Variants in KCNC2 observed in about 807,000 individuals in gnomAD.
KCNC2 encodes the protein potassium voltage-gated channel subfamily C member 2, also known as voltage-gated potassium channel KCNC2.
Under a neutral mutation model 44.5 loss-of-function variants are expected in KCNC2, and 21 were observed. The observed-to-expected ratio is 0.47, with a 90% confidence interval of 0.33 to 0.68. The LOEUF (loss-of-function observed/expected upper bound fraction) is 0.68, where lower values mean the gene tolerates loss of function less well. Ranked by LOEUF, KCNC2 falls within the 30% of genes least tolerant of loss-of-function variation. The pLI, the probability that KCNC2 is intolerant of heterozygous loss-of-function variation, is 0.01. For missense variants in KCNC2, 589 were observed against 826.2 expected (o/e 0.71, Z 3.52); for synonymous variants, 391 against 339.1 (o/e 1.15, Z -1.68).
chr12:75,067,363 C>G (rs1882935179), intron 2 of KCNC2, among the ~76,000 whole-genome samples: 1 of 152,094 alleles, frequency 6.6e-6, no homozygotes, highest in Admixed American at 6.6e-5. Flanking sequence ...GTAGATAGAT[C>G]AATTATAATA....
intron 2 of KCNC2, among the ~76,000 whole-genome samples, chr12:75,073,386 T>G (rs961135612): frequency 1.3e-5 from 2 of 152,164 alleles, no homozygotes; most frequent in Admixed American, 6.5e-5. Context: ...TCAGTACCAA[T>G]TTATGAAGCC....
chr12:75,188,441 C>A (rs1261224558), intron 2 of KCNC2, among the ~76,000 whole-genome samples: 2 of 152,050 alleles, frequency 1.3e-5, no homozygotes, highest in Non-Finnish European at 2.9e-5. Flanking sequence ...AGATAAGGAA[C>A]AATTTTTAGC....
chr12:75,145,704 T>C (rs1223805706), intron 2 of KCNC2, among the ~76,000 whole-genome samples: 1 of 152,106 alleles, frequency 6.6e-6, no homozygotes. Context: ...TAGTGTCTTC[T>C]TGTTGTATAT....
At chr12:75,172,058 A>AC (rs367823961) in intron 2 of KCNC2, among the ~76,000 whole-genome samples, 1 of 151,472 alleles carries the variant, frequency 6.6e-6, no homozygotes, top group South Asian at 2.1e-4. Flanking sequence ...ACCCACCCTC[A>AC]CCCCCCAAAG....
chr12:75,099,538 G>T (rs1886204239), intron 2 of KCNC2, among the ~76,000 whole-genome samples: 1 of 152,148 alleles, frequency 6.6e-6, no homozygotes, highest in African/African-American at 2.4e-5. Flanking sequence ...TGAGCTTGAA[G>T]ATTACAAAGG....
intron 2 of KCNC2, among the ~76,000 whole-genome samples, chr12:75,110,662 G>A (rs1040779478): frequency 6.6e-6 from 1 of 152,050 alleles, no homozygotes; most frequent in Non-Finnish European, 1.5e-5. Flanking sequence ...CCATGAAGGG[G>A]ATAGCAATTG....
chr12:75,058,708 C>CT (rs1882002953), intron 2 of KCNC2, among the ~76,000 whole-genome samples: 1 of 151,914 alleles, frequency 6.6e-6, no homozygotes, highest in African/African-American at 2.4e-5. Flanking sequence ...TACCTGTAAA[C>CT]CAAAGGGTCC....
At chr12:75,163,440 C>T (rs1891248390) in intron 2 of KCNC2, among the ~76,000 whole-genome samples, 1 of 151,642 alleles carries the variant, frequency 6.6e-6, no homozygotes, top group African/African-American at 2.4e-5. Context: ...TGGTGAAGAA[C>T]TCTTTTCATT....
chr12:75,141,354 G>A (rs765714966), intron 2 of KCNC2, among the ~76,000 whole-genome samples: 11 of 152,132 alleles, frequency 7.2e-5, no homozygotes, highest in Non-Finnish European at 1.6e-4. Flanking sequence ...TTATCTTGAG[G>A]ATTAAATAAA....
chr12:75,129,153 C>T (rs545224427), intron 2 of KCNC2, among the ~76,000 whole-genome samples: 6 of 152,194 alleles, frequency 3.9e-5, no homozygotes, highest in Non-Finnish European at 5.9e-5. Context: ...CTTATAAAGA[C>T]GGGTTATGGT....
chr12:75,112,383 G>T (rs1332776504), intron 2 of KCNC2, among the ~76,000 whole-genome samples: 1 of 151,944 alleles, frequency 6.6e-6, no homozygotes, highest in Non-Finnish European at 1.5e-5. Context: ...AGAAGCAGAA[G>T]AAATTTTAAA....
At position 75,114,940 on chromosome 12, in the gene KCNC2, T is replaced by G. The variant is rs370501338; in HGVS notation, c.688-63623A>C. 5.2e-3 allele frequency among the ~76,000 whole-genome samples: 741 copies of G among 141,188 alleles called. 2 individuals carry two copies. Among genetic ancestry groups the G allele is most frequent in the Middle Eastern group, 0.022 (6 of 270 alleles). 92.6% of individuals were successfully genotyped at this position (141,188 alleles called of 152,430 possible). A position where few individuals can be genotyped will look rare whatever the true frequency, so the allele number is the denominator to read the frequency against. ...GTGCAGTGGCGCGATCTCGGCTCACTGCAGGCTCCGCCCCCCGGGGTTCAC... is the reference window on the plus strand; with the variant it reads ...GTGCAGTGGCGCGATCTCGGCTCACGGCAGGCTCCGCCCCCCGGGGTTCAC... On this transcript the variant is annotated intron_variant, in intron 2 of 4. Transcript: ENST00000549446.
At chr12:75,150,376 C>T (rs917336115) in intron 2 of KCNC2, among the ~76,000 whole-genome samples, 11 of 151,908 alleles carry the variant, frequency 7.2e-5, no homozygotes, top group African/African-American at 2.2e-4. Flanking sequence ...AAAGTCTAGC[C>T]TCCAGACTAG....
At chr12:75,172,033 A>G (rs1489089981) in intron 2 of KCNC2, among the ~76,000 whole-genome samples, 1 of 151,934 alleles carries the variant, frequency 6.6e-6, no homozygotes, top group East Asian at 1.9e-4. Flanking sequence ...AATAAAAATA[A>G]ATAGCCATCA....
At chr12:75,140,922 G>GA (rs35836833) in intron 2 of KCNC2, among the ~76,000 whole-genome samples, 2,209 of 150,050 alleles carry the variant, frequency 0.015, 46 homozygotes, top group African/African-American at 0.05. Context: ...AAAAGTGGAG[G>GA]AAAAAAAAAG....
At chr12:75,185,006 G>A (rs1289495502) in intron 2 of KCNC2, among the ~76,000 whole-genome samples, 3 of 152,140 alleles carry the variant, frequency 2.0e-5, no homozygotes, top group African/African-American at 7.2e-5. Flanking sequence ...CTATCTGAAG[G>A]GAGCAGAAGC....
chr12:75,205,108 T>C (rs987367045), intron 2 of KCNC2, among the ~76,000 whole-genome samples: 2 of 152,160 alleles, frequency 1.3e-5, no homozygotes, highest in African/African-American at 4.8e-5. Context: ...TCAAGACCAA[T>C]GTGATCTGCA....
At chr12:75,187,590 C>T (rs1463509) in intron 2 of KCNC2, among the ~76,000 whole-genome samples, 77,677 of 152,022 alleles carry the variant, frequency 0.51, 23,241 homozygotes, top group African/African-American at 0.85. Context: ...AGAGATATAG[C>T]GAAGGCCAAA....
intron 2 of KCNC2, among the ~76,000 whole-genome samples, chr12:75,093,037 G>A (rs557849802): frequency 3.2e-4 from 47 of 148,846 alleles, no homozygotes; most frequent in Admixed American, 2.7e-4. Context: ...TTAATCGTTC[G>A]AGTAGCTATC....
Sources: gnomAD v4.1 joint callset for allele counts (sites outside exome capture counted in the v4.1 genomes callset) on GRCh38, gnomAD v4.1.1 for gene constraint, MANE v1.5 for transcripts, NCBI Gene and HGNC (gene_info 2026-07-23, HGNC 2026-07-21) for gene names.